SDK1: variants seen among roughly 807,000 people sequenced by gnomAD.
The protein encoded by SDK1 is protein sidekick-1.
SDK1 carries 157 observed loss-of-function variants against 245.5 expected under a neutral mutation model. That is an observed-to-expected ratio of 0.64 (90% confidence interval 0.56 to 0.73). SDK1 has a LOEUF of 0.73. SDK1 is among the 30% of genes least tolerant of loss of function. The pLI is 0.00. For synonymous variants in SDK1, 1,647 were observed against 1,278.5 expected, an observed-to-expected ratio of 1.29 and a Z score of -6.15; for missense variants, 3,583 against 3,002.3, an observed-to-expected ratio of 1.19 and a Z score of -4.52.
At chr7:4,051,571 C>A in intron 18 of SDK1, 67 bp from the exon 19 acceptor site, 1 of 1,335,808 alleles carries the variant, frequency 7.5e-7, no homozygotes, top group Non-Finnish European at 1.0e-6. Context: ...TAAAATTCTG[C>A]TGCAGACATG....
chr7:3,679,735 A>G (rs1784039706), intron 4 of SDK1, among the ~76,000 whole-genome samples: 2 of 152,218 alleles, frequency 1.3e-5, no homozygotes, highest in South Asian at 4.1e-4. Context: ...TAGCTAAAAT[A>G]AAGAGACAGT....
chr7:3,571,058 G>A (rs529994481), intron 1 of SDK1, among the ~76,000 whole-genome samples: 19 of 151,886 alleles, frequency 1.3e-4, no homozygotes, highest in Non-Finnish European at 2.4e-4. Context: ...AATGAAATTC[G>A]GATCTTCATG....
intron 1 of SDK1, among the ~76,000 whole-genome samples, chr7:3,433,823 A>T (rs1268712194): frequency 2.0e-5 from 3 of 152,206 alleles, no homozygotes; most frequent in Non-Finnish European, 4.4e-5. Flanking sequence ...CACAAGCTTG[A>T]CAACCTTACA....
intron 8 of SDK1, among the ~76,000 whole-genome samples, chr7:3,961,773 T>A (rs1452326368): frequency 6.6e-6 from 1 of 152,216 alleles, no homozygotes; most frequent in Non-Finnish European, 1.5e-5. Context: ...ATAGTGATAC[T>A]GCCATTGAGC....
At chr7:3,597,102 C>T (rs1446273001) in intron 1 of SDK1, among the ~76,000 whole-genome samples, 1 of 151,926 alleles carries the variant, frequency 6.6e-6, no homozygotes, top group Non-Finnish European at 1.5e-5. Flanking sequence ...AACCCTGTCT[C>T]TACTAAAAAT....
chr7:3,420,650 CA>C (rs1463138377), intron 1 of SDK1, among the ~76,000 whole-genome samples: 1 of 152,140 alleles, frequency 6.6e-6, no homozygotes, highest in Non-Finnish European at 1.5e-5. Context: ...AGGATTATAG[CA>C]AGTTGTTATT....
At chr7:3,359,763 A>G (rs1378130378) in intron 1 of SDK1, among the ~76,000 whole-genome samples, 1 of 152,102 alleles carries the variant, frequency 6.6e-6, no homozygotes, top group African/African-American at 2.4e-5. Context: ...ATCTTCAGGC[A>G]TTGTGGAACT....
At position 3,644,782 on chromosome 7, in the gene SDK1, A is replaced by AAAAAC. The variant is rs1227768144; in HGVS notation, c.713+2681_713+2682insCAAAA. 4.7e-4 allele frequency among the ~76,000 whole-genome samples: 67 copies of AAAAAC among 141,410 alleles called. 1 individual carries two copies. Among genetic ancestry groups the AAAAAC allele is most frequent in the Middle Eastern group, 3.4e-3 (1 of 292 alleles). The allele number at this position is 141,410 out of a possible 152,430, so 92.8% of individuals were successfully genotyped here. A position where few individuals can be genotyped will look rare whatever the true frequency, so the allele number is the denominator to read the frequency against. On this transcript the variant is annotated intron_variant, in intron 4 of 44. Transcript: ENST00000404826. ...AGCAAGACCCTGTCTCCAAAAAAAA[A>AAAAAC]AAAAAAAAAACAAAAAACAACAACA... is the stretch of plus-strand genomic sequence containing the variant.
At chr7:3,906,827 AC>A (rs1778960826) in intron 5 of SDK1, among the ~76,000 whole-genome samples, 2 of 151,770 alleles carry the variant, frequency 1.3e-5, no homozygotes, top group Non-Finnish European at 2.9e-5. Flanking sequence ...ACGGGGTTTC[AC>A]CATGTTGCCT....
intron 5 of SDK1, among the ~76,000 whole-genome samples, chr7:3,828,378 T>G (rs1234014659): frequency 5.3e-5 from 8 of 152,018 alleles, no homozygotes; most frequent in Admixed American, 2.0e-4. Context: ...TAACAAAATT[T>G]CTTCCATTTT....
rs761884770 is a variant in SDK1 at position 3,619,080 on chromosome 7, A to T, written c.299A>T (p.Asp100Val). Residue 100 changes from aspartate (D) to valine (V), a missense_variant and splice_region_variant, in exon 2 of 45, where the codon GAT becomes GTT. By Grantham distance (152) the Asp-to-Val change is radical. Coordinates refer to ENST00000404826, the MANE Select transcript of SDK1 (RefSeq NM_152744.4). ...QLHLLRALAQ[D>V]DVAPYFKTEP... ...TTTGTTTTGTTTTTTAATATTTCAG[A>T]TGATGTTGCTCCATATTTTAAAACG... 6.3e-7 allele frequency: 1 copy of T among 1,579,924 alleles called. No individual in the cohort carries two copies. The highest frequency in any genetic ancestry group is 1.4e-5 in the African/African-American group (1 of 73,988).
In SDK1 at chr7:4,080,468, G is replaced by A. The variant is rs55872042; in HGVS notation, c.3324+884G>A. Among the ~76,000 whole-genome samples, 736 of 152,306 alleles carry A rather than the reference G, an allele frequency of 4.8e-3. 6 individuals carry two copies. Among genetic ancestry groups the A allele is most frequent in the Non-Finnish European group, 8.2e-3 (559 of 68,036 alleles). Reference sequence around the variant, plus strand: ...TAAAATCCTTGTGGTTTTCATGACTGTACTTATGCTATACTGCAAGACGAT... The same window carrying A: ...TAAAATCCTTGTGGTTTTCATGACTATACTTATGCTATACTGCAAGACGAT... On this transcript the variant is annotated intron_variant, in intron 22 of 44. Transcript: ENST00000404826.
chr7:3,919,497 T>G (rs575123184), intron 5 of SDK1, among the ~76,000 whole-genome samples: 218 of 152,320 alleles, frequency 1.4e-3, no homozygotes, highest in African/African-American at 4.9e-3. Flanking sequence ...GAACTGGAGT[T>G]GCACTCGTAC....
intron 1 of SDK1, among the ~76,000 whole-genome samples, chr7:3,450,322 G>A (rs1018338787): frequency 1.3e-5 from 2 of 152,192 alleles, no homozygotes; most frequent in South Asian, 4.1e-4. Context: ...CTTCACTGCT[G>A]TTTAGAAGGA....
At chr7:3,645,937 C>T (rs1782821387) in intron 4 of SDK1, among the ~76,000 whole-genome samples, 1 of 152,070 alleles carries the variant, frequency 6.6e-6, no homozygotes, top group Non-Finnish European at 1.5e-5. Context: ...AGGCTCACTG[C>T]AACCTCTGCC....
intron 1 of SDK1, among the ~76,000 whole-genome samples, chr7:3,586,071 A>G (rs577689895): frequency 8.5e-5 from 13 of 152,210 alleles, no homozygotes; most frequent in African/African-American, 3.1e-4. Context: ...ATTGCCTTTG[A>G]TGGTGGGGCT....
chr7:3,431,329 C>T (rs951984482), intron 1 of SDK1, among the ~76,000 whole-genome samples: 30 of 150,064 alleles, frequency 2.0e-4, no homozygotes, highest in African/African-American at 6.7e-4. Flanking sequence ...AGAAAGACCC[C>T]GGGTAGAATC....
intron 35 of SDK1, among the ~76,000 whole-genome samples, chr7:4,195,904 A>G (rs1783549746): frequency 6.6e-6 from 1 of 152,036 alleles, no homozygotes; most frequent in South Asian, 2.1e-4. Context: ...CCACCCCAAA[A>G]TCCATGACAG....
At chr7:3,898,405 A>G (rs2128104351) in intron 5 of SDK1, among the ~76,000 whole-genome samples, 1 of 152,308 alleles carries the variant, frequency 6.6e-6, no homozygotes, top group Non-Finnish European at 1.5e-5. Flanking sequence ...TCTTTTCCCA[A>G]AGATTCTAAC....
Sources: gnomAD v4.1 joint callset for allele counts (sites outside exome capture counted in the v4.1 genomes callset) on GRCh38, gnomAD v4.1.1 for gene constraint, MANE v1.5 for transcripts, NCBI Gene and HGNC (gene_info 2026-07-23, HGNC 2026-07-21) for gene names.